CHRNA7: variants seen among roughly 807,000 people sequenced by gnomAD.
CHRNA7 encodes neuronal acetylcholine receptor subunit alpha-7.
CHRNA7 carries 17 observed loss-of-function variants against 48.0 expected under a neutral mutation model. The ratio of observed to expected loss-of-function variants is 0.35; its 90% CI spans 0.24 to 0.53. The LOEUF is 0.53. Ranked by LOEUF, CHRNA7 falls within the 20% of genes least tolerant of loss-of-function variation. The pLI is 0.92. For missense variants in CHRNA7, 155 were observed against 577.7 expected (o/e 0.27, Z 7.50); for synonymous variants, 75 against 242.3 (o/e 0.31, Z 6.41).
At chr15:32,105,872 G>A (rs2050660866) in intron 3 of CHRNA7, among the ~76,000 whole-genome samples, 1 of 152,152 alleles carries the variant, frequency 6.6e-6, no homozygotes, top group African/African-American at 2.4e-5. Context: ...GAATTTTTAA[G>A]GGCTCACAAG....
Position 32,157,845 on chromosome 15 carries a change from T to A in CHRNA7, c.598+70T>A. On this transcript the variant is annotated intron_variant, in intron 6 of 9. Coordinates refer to ENST00000306901, the MANE Select transcript of CHRNA7 (RefSeq NM_000746.6). ...TGGGCAAGCTTTAAAAGTTTGGGAT[T>A]TTCCACTGTCCTTTCCGGTGCGAGC... 5.8e-6 allele frequency: 5 copies of A among 862,906 alleles called. 1 individual carries two copies. In the South Asian group the frequency reaches 6.9e-5, roughly 12 times the overall value. The allele number at this position is 862,906 out of a possible 1,614,324, so 53.5% of individuals were successfully genotyped here. A position where few individuals can be genotyped will look rare whatever the true frequency, so the allele number is the denominator to read the frequency against.
chr15:32,058,613 A>G (rs1162625474), intron 2 of CHRNA7, among the ~76,000 whole-genome samples: 1 of 152,202 alleles, frequency 6.6e-6, no homozygotes, highest in African/African-American at 2.4e-5. Flanking sequence ...ACAGAGTAGG[A>G]TACATAATGT....
chr15:32,082,366 C>CT (rs1242426963), intron 2 of CHRNA7, among the ~76,000 whole-genome samples: 4 of 142,594 alleles, frequency 2.8e-5, no homozygotes, highest in Non-Finnish European at 6.2e-5. Context: ...ATAAGTCTGA[C>CT]TTTTTTTTCA....
chr15:32,117,656 A>G (rs538660673), intron 4 of CHRNA7, among the ~76,000 whole-genome samples: 5 of 152,126 alleles, frequency 3.3e-5, no homozygotes, highest in Admixed American at 6.5e-5. Flanking sequence ...GGACTAAAGA[A>G]GAGCCCAAGC....
chr15:32,109,430 G>C (rs1406127608), intron 3 of CHRNA7, among the ~76,000 whole-genome samples: 8 of 152,176 alleles, frequency 5.3e-5, no homozygotes, highest in Non-Finnish European at 1.0e-4. Context: ...CTGTGACTTA[G>C]AATGCCTAAC....
chr15:32,068,348 A>C (rs542007992), intron 2 of CHRNA7, among the ~76,000 whole-genome samples: 1 of 152,256 alleles, frequency 6.6e-6, no homozygotes, highest in Admixed American at 6.5e-5. Context: ...CTACTTTATC[A>C]GATTGCACAT....
chr15:32,104,041 C>T (rs2050619150), intron 3 of CHRNA7, among the ~76,000 whole-genome samples: 1 of 152,176 alleles, frequency 6.6e-6, no homozygotes, highest in Admixed American at 6.5e-5. Flanking sequence ...GTTGCCTCTT[C>T]TGGTGGTGTC....
At chr15:32,114,033 T>TATATATATGTATATATATATATATAC (rs1566848708) in intron 4 of CHRNA7, among the ~76,000 whole-genome samples, 93 of 87,436 alleles carry the variant, frequency 1.1e-3, no homozygotes, top group Non-Finnish European at 1.7e-3. Context: ...TATATATATA[T>TATATATATGTATATATATATATATAC]ATATATATAT....
chr15:32,137,044 AAAG>A (rs1234995877), intron 4 of CHRNA7, among the ~76,000 whole-genome samples: 1 of 147,970 alleles, frequency 6.8e-6, no homozygotes, highest in African/African-American at 2.5e-5. Flanking sequence ...AAAAAAAAAA[AAAG>A]AAAAAAAAAA....
chr15:32,116,842 G>T (rs978308401), intron 4 of CHRNA7, among the ~76,000 whole-genome samples: 1 of 152,214 alleles, frequency 6.6e-6, no homozygotes, highest in African/African-American at 2.4e-5. Context: ...AGAACAGCAT[G>T]GGGTTTCAGC....
At chr15:32,033,115 T>C (rs920519436) in intron 2 of CHRNA7, among the ~76,000 whole-genome samples, 1 of 152,172 alleles carries the variant, frequency 6.6e-6, no homozygotes, top group African/African-American at 2.4e-5. Context: ...GGAGAAAGTT[T>C]ATCTCTCACC....
At chr15:32,098,597 G>C (rs771922056) in intron 2 of CHRNA7, 4 of 152,428 alleles carry the variant, frequency 2.6e-5, no homozygotes, top group African/African-American at 4.8e-5. Flanking sequence ...AGCTGGTGGT[G>C]GGAACCGAGG....
chr15:32,114,514 C>T lies in CHRNA7; in HGVS notation c.350+2615C>T, dbSNP rs568979705. On this transcript the variant is annotated intron_variant, in intron 4 of 9. Coordinates refer to ENST00000306901, the MANE Select transcript of CHRNA7 (RefSeq NM_000746.6). Reference sequence around the variant, plus strand: ...TCCCATGGTGGACATAGACCACGTCCGCCAGGCTTCATCATGGAGGATGTA... The same window carrying T: ...TCCCATGGTGGACATAGACCACGTCTGCCAGGCTTCATCATGGAGGATGTA... Among the ~76,000 whole-genome samples, 5 of 152,222 alleles carry T rather than the reference C, an allele frequency of 3.3e-5. No homozygotes were observed. The South Asian group carries it at 6.2e-4, about 19-fold the overall frequency.
intron 2 of CHRNA7, among the ~76,000 whole-genome samples, chr15:32,033,453 G>A (rs368056150): frequency 2.1e-4 from 32 of 152,278 alleles, no homozygotes; most frequent in African/African-American, 2.6e-4. Flanking sequence ...AACCAACATC[G>A]GACAAGTCCT....
chr15:32,084,822 G>T (rs757422460), intron 2 of CHRNA7, among the ~76,000 whole-genome samples: 1 of 122,148 alleles, frequency 8.2e-6, no homozygotes, highest in Non-Finnish European at 1.7e-5. Context: ...CTCATCGGCT[G>T]ACCTCTGACT....
chr15:32,048,436 G>C (rs12903599), intron 2 of CHRNA7, among the ~76,000 whole-genome samples: 2 of 152,174 alleles, frequency 1.3e-5, no homozygotes, highest in Admixed American at 6.5e-5. Context: ...ATTTCTTCTA[G>C]ATTTTCTAGT....
At chr15:32,120,665 A>T (rs1468003661) in intron 4 of CHRNA7, among the ~76,000 whole-genome samples, 1 of 151,756 alleles carries the variant, frequency 6.6e-6, no homozygotes, top group Non-Finnish European at 1.5e-5. Flanking sequence ...TTTTGTGGGG[A>T]TGGTGTTGCA....
intron 4 of CHRNA7, among the ~76,000 whole-genome samples, chr15:32,138,600 C>T: frequency 6.6e-6 from 1 of 152,064 alleles, no homozygotes; most frequent in East Asian, 1.9e-4. Flanking sequence ...TGTGGGTTTG[C>T]ACAGATGTAT....
chr15:32,141,136 A>T (rs544373288), intron 4 of CHRNA7, among the ~76,000 whole-genome samples: 15 of 152,336 alleles, frequency 9.8e-5, no homozygotes, highest in African/African-American at 3.6e-4. Flanking sequence ...AGCTTTATAC[A>T]TATGGCTAGC....
Sources: allele counts gnomAD v4.1 joint callset (sites outside exome capture counted in the v4.1 genomes callset), GRCh38; gene constraint gnomAD v4.1.1; transcripts MANE v1.5; gene names NCBI Gene and HGNC (gene_info 2026-07-23, HGNC 2026-07-21).